LNX2: variants seen among roughly 807,000 people sequenced by gnomAD.
LNX2 encodes the protein ligand of numb-protein X 2, also known as ligand of Numb protein X 2.
In LNX2, 35 loss-of-function variants were observed where a neutral mutation model predicts 66.2. The ratio of observed to expected loss-of-function variants is 0.53; its 90% confidence interval spans 0.40 to 0.70. The LOEUF (loss-of-function observed/expected upper bound fraction) is 0.70, where lower values mean the gene tolerates loss of function less well. Ranked by LOEUF, LNX2 falls within the 30% of genes least tolerant of loss-of-function variation. The probability of loss-of-function intolerance (pLI) is 0.00; values close to 1 mark genes in which losing one functional copy is unlikely to be tolerated. For synonymous variants in LNX2, 337 were observed against 315.6 expected (o/e 1.07, Z -0.72); for missense variants, 791 against 850.8 (o/e 0.93, Z 0.87).
At chr13:27,562,018 C>A (rs950510026) in intron 5 of LNX2, among the ~76,000 whole-genome samples, 1 of 152,154 alleles carries the variant, frequency 6.6e-6, no homozygotes, top group Non-Finnish European at 1.5e-5. Flanking sequence ...TTATATAGAT[C>A]CTGACAGGGA....
Position 27,550,503 on chromosome 13 carries a change from C to A in LNX2, c.1779-12G>T. 6.3e-7 allele frequency: 1 copy of A among 1,587,600 alleles called. No individual in the cohort carries two copies. The highest frequency in any genetic ancestry group is 1.2e-5 in the South Asian group (1 of 86,722). On this transcript the variant is annotated splice_polypyrimidine_tract_variant and intron_variant, in intron 8 of 9. Transcript: ENST00000316334. ...AGCTATGAAGTGTGCTATAAACAAA[C>A]AGAAAAATAAAGAAAAAATTAACAT...
Position 27,550,369 on chromosome 13 carries a change from A to C in LNX2, c.1901T>G (p.Val634Gly). Residue 634 changes from valine (V) to glycine (G), a missense_variant, in exon 9 of 10, where the codon GTC becomes GGC. By Grantham distance (109) the Val-to-Gly change is moderately radical. Transcript: ENST00000316334. ...ATCATAATAAGCAGGAGTTCCCAAG[A>C]CAATAGTTTTAATGAAAAAAGGCTG... ...TNQPFFIKTI[V>G]LGTPAYYDGR... The C allele has an allele frequency of 1.9e-6, 3 of 1,613,864 alleles. No individual in the cohort carries two copies. The highest frequency in any genetic ancestry group is 2.5e-6 in the Non-Finnish European group (3 of 1,179,888).
At position 27,563,922 on chromosome 13, in the gene LNX2, T is replaced by C. The variant is rs536513023; in HGVS notation, c.856-1141A>G. On this transcript the variant is annotated intron_variant, in intron 4 of 9. Coordinates refer to ENST00000316334, the MANE Select transcript of LNX2 (RefSeq NM_153371.4). ...AAGTCTGCAACATCTATTAATTTGG[T>C]AGTCATCCAAGTCCTTGGTAAAAGT... Among the ~76,000 whole-genome samples the C allele has an allele frequency of 2.0e-5, 3 of 152,282 alleles. No individual in the cohort carries two copies. In the East Asian group the frequency reaches 5.8e-4, roughly 29 times the overall value.
intron 1 of LNX2, among the ~76,000 whole-genome samples, chr13:27,615,095 C>T (rs982259500): frequency 6.6e-6 from 1 of 152,092 alleles, no homozygotes; most frequent in African/African-American, 2.4e-5. Flanking sequence ...AACCCCAGAT[C>T]CCAAAGCTGA....
chr13:27,560,723 T>A (rs1245637807), intron 5 of LNX2, among the ~76,000 whole-genome samples: 1 of 152,014 alleles, frequency 6.6e-6, no homozygotes, highest in Non-Finnish European at 1.5e-5. Flanking sequence ...TTACAAGTTA[T>A]TTAATACTTC....
At chr13:27,592,624 T>C (rs1012714806) in intron 1 of LNX2, among the ~76,000 whole-genome samples, 52 of 152,256 alleles carry the variant, frequency 3.4e-4, no homozygotes, top group African/African-American at 1.1e-3. Flanking sequence ...AGCCATCAGA[T>C]TGGAAAAGAT....
chr13:27,587,339 C>A (rs1181543744), intron 1 of LNX2, among the ~76,000 whole-genome samples: 1 of 152,134 alleles, frequency 6.6e-6, no homozygotes, highest in African/African-American at 2.4e-5. Context: ...TTCCCTTCAG[C>A]AATTCCTACA....
At chr13:27,581,265 C>G (rs1209572705) in intron 2 of LNX2, 32 bp downstream of exon 2, 2 of 1,444,034 alleles carry the variant, frequency 1.4e-6, no homozygotes, top group East Asian at 2.4e-5. Context: ...TTTCCAAAAT[C>G]TGGAGTTACT....
rs1199419318 is a variant in LNX2 at position 27,567,815 on chromosome 13, G to T, written c.680C>A (p.Pro227Gln). ...ADTTQQPLSL[P>Q]EGEITTIEIH... Reference sequence around the variant, plus strand: ...TTCAATCGTGGTGATTTCTCCTTCTGGTAAACTAAGTGGCTGTTGTGTGGC... The same window carrying T: ...TTCAATCGTGGTGATTTCTCCTTCTTGTAAACTAAGTGGCTGTTGTGTGGC... The change falls in exon 4 of 10, where the codon CCA becomes CAA. Residue 227 changes from proline to glutamine, a missense_variant. Pro to Gln is a moderately conservative substitution (Grantham distance 76, BLOSUM62 -1). Transcript: ENST00000316334. The T allele has an allele frequency of 1.9e-6, 3 of 1,613,754 alleles. No individual in the cohort carries two copies. The highest frequency in any genetic ancestry group is 2.7e-5 in the African/African-American group (2 of 74,840).
chr13:27,579,051 G>A (rs1955371547), intron 2 of LNX2, among the ~76,000 whole-genome samples: 1 of 152,168 alleles, frequency 6.6e-6, no homozygotes, highest in African/African-American at 2.4e-5. Flanking sequence ...ACATGGTTCT[G>A]TTTCTAAAGG....
rs1954951129 is a variant in LNX2 at position 27,547,282 on chromosome 13, A to G, written c.*1053T>C. On this transcript the variant is annotated 3_prime_UTR_variant, in exon 10 of 10. Transcript: ENST00000316334. ...TACTTCAAAATTTCCCTACATAGCAAAACATTCCTCTGGAAATAGATTTTT... is the reference window on the plus strand; with the variant it reads ...TACTTCAAAATTTCCCTACATAGCAGAACATTCCTCTGGAAATAGATTTTT... The G allele has an allele frequency of 6.6e-6, 1 of 152,214 alleles. No homozygotes were observed. Among genetic ancestry groups the G allele is most frequent in the Admixed American group, 6.5e-5 (1 of 15,290 alleles). 9.4% of individuals were successfully genotyped at this position (152,214 alleles called of 1,614,324 possible).
At chr13:27,614,808 G>A (rs565967357) in intron 1 of LNX2, among the ~76,000 whole-genome samples, 147 of 152,236 alleles carry the variant, frequency 9.7e-4, no homozygotes, top group African/African-American at 3.3e-3. Context: ...ATTAGTAGCC[G>A]AAATCCCAAC....
At chr13:27,610,502 C>CA (rs1207736333) in intron 1 of LNX2, among the ~76,000 whole-genome samples, 3 of 152,090 alleles carry the variant, frequency 2.0e-5, no homozygotes, top group African/African-American at 7.2e-5. Context: ...AAAATTGCCT[C>CA]AAAATGGACT....
At chr13:27,574,695 C>G (rs1445986924) in intron 2 of LNX2, among the ~76,000 whole-genome samples, 1 of 152,126 alleles carries the variant, frequency 6.6e-6, no homozygotes, top group Non-Finnish European at 1.5e-5. Context: ...AAACATTTAT[C>G]TACACATCCA....
chr13:27,598,223 C>T (rs1453400761), intron 1 of LNX2, among the ~76,000 whole-genome samples: 1 of 129,498 alleles, frequency 7.7e-6, no homozygotes, highest in African/African-American at 3.1e-5. Flanking sequence ...AAAAAAAAGA[C>T]ATGATCAACA....
chr13:27,605,202 G>GT (rs1245315923), intron 1 of LNX2, among the ~76,000 whole-genome samples: 1 of 152,178 alleles, frequency 6.6e-6, no homozygotes, highest in Non-Finnish European at 1.5e-5. Flanking sequence ...TATAAAGAAT[G>GT]TAACTATTCC....
chr13:27,609,810 T>C (rs2138476006), intron 1 of LNX2, among the ~76,000 whole-genome samples: 1 of 152,214 alleles, frequency 6.6e-6, no homozygotes, highest in East Asian at 1.9e-4. Context: ...ATCCAGACTC[T>C]CAAAATAAAT....
At chr13:27,614,418 A>G (rs1955805745) in intron 1 of LNX2, among the ~76,000 whole-genome samples, 1 of 152,150 alleles carries the variant, frequency 6.6e-6, no homozygotes, top group African/African-American at 2.4e-5. Context: ...GCATAGGAGT[A>G]CCATTTCCCA....
At chr13:27,608,613 A>G (rs1402285613) in intron 1 of LNX2, among the ~76,000 whole-genome samples, 1 of 152,240 alleles carries the variant, frequency 6.6e-6, no homozygotes, top group Non-Finnish European at 1.5e-5. Context: ...ACAATAAGGT[A>G]AATCAAACAG....
Sources: gnomAD v4.1 joint callset for allele counts (sites outside exome capture counted in the v4.1 genomes callset) on GRCh38, gnomAD v4.1.1 for gene constraint, MANE v1.5 for transcripts, NCBI Gene and HGNC (gene_info 2026-07-23, HGNC 2026-07-21) for gene names.